The following TRIM24 variants were observed in gnomAD, a reference collection of about 807,000 sequenced individuals.
The protein encoded by TRIM24 is tripartite motif containing 24, also known as transcription intermediary factor 1-alpha.
A neutral mutation model predicts 123.9 loss-of-function variants in TRIM24; 29 were observed. The ratio of observed to expected loss-of-function variants is 0.23; its 90% CI spans 0.17 to 0.32. TRIM24 has a LOEUF of 0.32. Ranked by LOEUF, TRIM24 falls within the 10% of genes least tolerant of loss-of-function variation. The pLI, the probability that TRIM24 is intolerant of heterozygous loss-of-function variation, is 1.00. For missense variants in TRIM24, 932 were observed against 1,295.3 expected (o/e 0.72, Z 4.31); for synonymous variants, 456 against 461.1 (o/e 0.99, Z 0.14).
At chr7:138,505,041 G>A (rs550517581) in intron 2 of TRIM24, among the ~76,000 whole-genome samples, 3 of 152,148 alleles carry the variant, frequency 2.0e-5, no homozygotes, top group Non-Finnish European at 4.4e-5. Flanking sequence ...GATTATAGGC[G>A]TGAGCCACCG....
chr7:138,511,351 G>T (rs1796284005), intron 2 of TRIM24, among the ~76,000 whole-genome samples: 1 of 151,492 alleles, frequency 6.6e-6, no homozygotes, highest in Non-Finnish European at 1.5e-5. Context: ...GCCCAAGCAG[G>T]AGTGCAATGG....
intron 3 of TRIM24, 109 bp downstream of exon 3, chr7:138,515,468 T>C (rs1251984085): frequency 2.4e-6 from 3 of 1,253,766 alleles, no homozygotes; most frequent in Non-Finnish European, 3.3e-6. Flanking sequence ...TTAAATATAC[T>C]GTTTTAAGTA....
chr7:138,523,750 C>CAAAA lies in TRIM24; in HGVS notation c.765-1473_765-1470dup, dbSNP rs756103684. On this transcript the variant is annotated intron_variant, in intron 4 of 18. Transcript: ENST00000343526. ...TGGGCGACAGAGCGAGACTCCGTCT[C>CAAAA]AAAAAAAAAAAAAAAAAAAAAGCCC... 6.5e-3 allele frequency among the ~76,000 whole-genome samples: 366 copies of CAAAA among 56,378 alleles called. 2 individuals carry two copies. Among genetic ancestry groups the CAAAA allele is most frequent in the African/African-American group, 0.014 (187 of 13,644 alleles). 37.0% of individuals were successfully genotyped at this position (56,378 alleles called of 152,430 possible).
At chr7:138,461,084 C>A in intron 1 of TRIM24, 172 bp downstream of exon 1, 2 of 780,074 alleles carry the variant, frequency 2.6e-6, no homozygotes, top group South Asian at 1.4e-5. Context: ...CCGCGCTCTG[C>A]GGCGTGTCGC....
rs1182276337 is a variant in TRIM24, at chr7:138,508,700, C to CGCGCGCGTGTGT, written c.483+4293_483+4294insCGCGCGTGTGTG. Among the ~76,000 whole-genome samples the CGCGCGCGTGTGT allele has an allele frequency of 9.8e-3, 349 of 35,566 alleles. 12 individuals are homozygous for CGCGCGCGTGTGT. Among genetic ancestry groups the CGCGCGCGTGTGT allele is most frequent in the Admixed American group, 0.088 (302 of 3,416 alleles). 23.3% of individuals were successfully genotyped at this position (35,566 alleles called of 152,430 possible). A position where few individuals can be genotyped will look rare whatever the true frequency, so the allele number is the denominator to read the frequency against. ...GTGTGTGTGTGTGTGTGTGCGCGCG[C>CGCGCGCGTGTGT]GTGTGTGCGTGTGTGTGTGCGTGTG... On this transcript the variant is annotated intron_variant, in intron 2 of 18. Coordinates refer to ENST00000343526, the MANE Select transcript of TRIM24 (RefSeq NM_015905.3).
chr7:138,539,106 ACTAATT>A (rs1370731729), intron 7 of TRIM24, among the ~76,000 whole-genome samples: 2 of 152,172 alleles, frequency 1.3e-5, no homozygotes, highest in Non-Finnish European at 2.9e-5. Context: ...TGTGCCAGGT[ACTAATT>A]CTAAGAATTT....
Position 138,580,702 on chromosome 7 carries a change from T to C in TRIM24, c.2718+8T>C, listed in dbSNP as rs748174386. 5 of 1,611,586 alleles carry C rather than the reference T, an allele frequency of 3.1e-6. No homozygotes were observed. In the Admixed American group the frequency reaches 8.4e-5, roughly 27 times the overall value. ...ACACCTATAGATAAAAGGGTAAGTC[T>C]TTGGTAAGATGCATTATTGTATTGT... On this transcript the variant is annotated splice_region_variant and intron_variant, in intron 16 of 18. Transcript: ENST00000343526.
At position 138,579,390 on chromosome 7, in the gene TRIM24, G is replaced by A. The variant is rs1420733163; in HGVS notation, c.2443G>A (p.Val815Ile). 6.2e-7 allele frequency: 1 copy of A among 1,614,160 alleles called. No individual in the cohort carries two copies. Among genetic ancestry groups the A allele is most frequent in the South Asian group, 1.1e-5 (1 of 91,088 alleles). The change falls in exon 15 of 19, where the codon GTT becomes ATT. Residue 815 changes from valine (V) to isoleucine (I), a missense_variant. Coordinates refer to ENST00000343526, the MANE Select transcript of TRIM24 (RefSeq NM_015905.3). The stretch of plus-strand genomic sequence containing the variant: ...TCCTTCCCAGAAGTCACCTCTTCAT[G>A]TTGGAGAGACAAGGAAAGAGGATGA... Reference protein sequence around the residue: ...LDPSQKSPLHVGETRKEDDPN... With the variant: ...LDPSQKSPLHIGETRKEDDPN...
chr7:138,584,184 A>G (rs191405336), intron 18 of TRIM24, among the ~76,000 whole-genome samples, 185 bp downstream of exon 18: 90 of 152,378 alleles, frequency 5.9e-4, no homozygotes, highest in African/African-American at 2.1e-3. Context: ...AAGGTTTATT[A>G]GATGGTGATG....
chr7:138,528,548 A>G (rs1392500154), intron 5 of TRIM24, among the ~76,000 whole-genome samples: 1 of 151,860 alleles, frequency 6.6e-6, no homozygotes, highest in African/African-American at 2.4e-5. Context: ...TCCCACCTCA[A>G]GAGAAGTATG....
At chr7:138,528,782 C>A (rs1563047683) in intron 5 of TRIM24, among the ~76,000 whole-genome samples, 4 of 34,520 alleles carry the variant, frequency 1.2e-4, no homozygotes, top group African/African-American at 2.8e-4. Flanking sequence ...GGTCCACCCC[C>A]ACCCCCCCCC....
intron 10 of TRIM24, among the ~76,000 whole-genome samples, chr7:138,568,070 G>T (rs970898426): frequency 6.6e-6 from 1 of 152,114 alleles, no homozygotes; most frequent in Admixed American, 6.5e-5. Flanking sequence ...TATATCTGAT[G>T]AAGTTTAATA....
intron 1 of TRIM24, among the ~76,000 whole-genome samples, chr7:138,480,055 G>T (rs1049364948): frequency 6.6e-6 from 1 of 152,162 alleles, no homozygotes; most frequent in Admixed American, 6.5e-5. Context: ...CTGAACTCAG[G>T]TGATCCACTA....
intron 8 of TRIM24, 132 bp downstream of exon 8, chr7:138,551,312 G>A: frequency 2.6e-6 from 2 of 783,872 alleles, no homozygotes; most frequent in Non-Finnish European, 4.3e-6. Context: ...AGCACTTTGG[G>A]ATCTCTCAAG....
rs1249121481 is a variant in TRIM24 at position 138,579,549 on chromosome 7, C to T, written c.2585+17C>T. The T allele has an allele frequency of 1.0e-5, 16 of 1,551,164 alleles. No individual in the cohort carries two copies. The highest frequency in any genetic ancestry group is 1.9e-5 in the Admixed American group (1 of 51,826). On this transcript the variant is annotated intron_variant, in intron 15 of 18. Transcript: ENST00000343526. ...TTTTCCAAGGTAAGATAGTACTTCC[C>T]TTCCCACATTCTTTTACTGTAAACT...
intron 2 of TRIM24, 38 bp from the exon 3 acceptor site, chr7:138,515,174 T>A: frequency 6.3e-7 from 1 of 1,588,666 alleles, no homozygotes; most frequent in Non-Finnish European, 8.6e-7. Flanking sequence ...CACCTTTTCA[T>A]TTTCTCAAAA....
In TRIM24 at chr7:138,529,000, C is replaced by T. The variant is rs145005310; in HGVS notation, c.882-116C>T. 1.1e-3 allele frequency: 543 copies of T among 480,076 alleles called. 1 individual carries two copies. The highest frequency in any genetic ancestry group is 9.8e-3 in the African/African-American group (484 of 49,632). 29.7% of individuals were successfully genotyped at this position (480,076 alleles called of 1,614,324 possible). A position where few individuals can be genotyped will look rare whatever the true frequency, so the allele number is the denominator to read the frequency against. ...GACAGTCAATTTAAAGTGAAGGACT[C>T]AGAAATAGAGCTTCTAAGGGCTGAA... On this transcript the variant is annotated intron_variant, in intron 5 of 18. Coordinates refer to ENST00000343526, the MANE Select transcript of TRIM24 (RefSeq NM_015905.3).
rs1178988279 is a variant in TRIM24, at chr7:138,577,712, G to A, written c.2256+124G>A. 5 of 788,888 alleles carry A rather than the reference G, an allele frequency of 6.3e-6. No individual in the cohort carries two copies. The Admixed American group carries it at 2.0e-4, about 32-fold the overall frequency. The allele number at this position is 788,888 out of a possible 1,614,324, so 48.9% of individuals were successfully genotyped here. A position where few individuals can be genotyped will look rare whatever the true frequency, so the allele number is the denominator to read the frequency against. On this transcript the variant is annotated intron_variant, in intron 14 of 18. Coordinates refer to ENST00000343526, the MANE Select transcript of TRIM24 (RefSeq NM_015905.3). ...AAAAGGATTTAAAGACAATTTGAGG[G>A]AATCTCTCAGTAAATTAAACAAAAA... is the stretch of plus-strand genomic sequence containing the variant.
intron 8 of TRIM24, among the ~76,000 whole-genome samples, chr7:138,553,849 T>C (rs1797261322): frequency 6.6e-6 from 1 of 152,080 alleles, no homozygotes; most frequent in Admixed American, 6.5e-5. Flanking sequence ...TTGACTTCAG[T>C]AGGGATAGGA....
Sources: allele counts gnomAD v4.1 joint callset (sites outside exome capture counted in the v4.1 genomes callset), GRCh38; gene constraint gnomAD v4.1.1; transcripts MANE v1.5; gene names NCBI Gene and HGNC (gene_info 2026-07-23, HGNC 2026-07-21).